NUDT6: variants seen among roughly 807,000 people sequenced by gnomAD.
NUDT6 encodes the protein FAD diphosphatase NUDT6.
NUDT6 carries 24 observed loss-of-function variants against 36.8 expected under a neutral mutation model. The observed-to-expected ratio is 0.65, with a 90% CI of 0.47 to 0.92. The LOEUF is 0.92. NUDT6 is among the 40% of genes least tolerant of loss of function. NUDT6 has a pLI of 0.00. For synonymous variants in NUDT6, 163 were observed against 157.0 expected (o/e 1.04, Z -0.29); for missense variants, 388 against 392.8 (o/e 0.99, Z 0.10).
At chr4:122,897,836 G>A (rs772259180) in intron 3 of NUDT6, 158 bp from the exon 4 acceptor site, 63 of 598,350 alleles carry the variant, frequency 1.1e-4, no homozygotes, top group Non-Finnish European at 1.7e-4. Context: ...TTTCTCCCTC[G>A]TTTCTTCTTT....
intron 1 of NUDT6, 91 bp from the exon 2 acceptor site, chr4:122,917,795 AC>A (rs1226858361): frequency 6.7e-6 from 8 of 1,200,116 alleles, no homozygotes; most frequent in Admixed American, 2.3e-5. Context: ...CCTCCAGGAA[AC>A]CATCTTTAAG....
intron 2 of NUDT6, among the ~76,000 whole-genome samples, 178 bp downstream of exon 2, chr4:122,917,323 T>C (rs1373601377): frequency 6.6e-6 from 1 of 152,194 alleles, no homozygotes; most frequent in Non-Finnish European, 1.5e-5. Flanking sequence ...CTATCTGCGG[T>C]TACAGGTGCC....
At chr4:122,913,153 A>G (rs1727764320) in intron 2 of NUDT6, 1 of 153,104 alleles carries the variant, frequency 6.5e-6, no homozygotes, top group Non-Finnish European at 1.5e-5. Context: ...TTGGGCTGCT[A>G]TAACAAAATA....
intron 3 of NUDT6, among the ~76,000 whole-genome samples, chr4:122,904,542 T>C (rs886170120): frequency 1.3e-5 from 2 of 152,104 alleles, no homozygotes; most frequent in African/African-American, 4.8e-5. Context: ...CACTGCAACC[T>C]GTCTCCCAGG....
intron 2 of NUDT6, among the ~76,000 whole-genome samples, chr4:122,916,333 C>A (rs543092676): frequency 2.6e-5 from 4 of 152,146 alleles, no homozygotes; most frequent in Admixed American, 2.0e-4. Flanking sequence ...AGCTAATCAG[C>A]CACTTCAAAA....
At chr4:122,919,987 C>G (rs564238308) in intron 1 of NUDT6, 1 of 152,302 alleles carries the variant, frequency 6.6e-6, no homozygotes, top group South Asian at 2.1e-4. Context: ...AGTGCTATTT[C>G]ATTACTGATG....
At chr4:122,911,712 T>C (rs1361498601) in intron 3 of NUDT6, among the ~76,000 whole-genome samples, 1 of 152,220 alleles carries the variant, frequency 6.6e-6, no homozygotes, top group East Asian at 1.9e-4. Context: ...TGTCCACTAA[T>C]ATTTGCTGAA....
chr4:122,900,177 C>G (rs562364075), intron 3 of NUDT6, among the ~76,000 whole-genome samples: 7 of 151,672 alleles, frequency 4.6e-5, no homozygotes, highest in Non-Finnish European at 1.0e-4. Context: ...TTTCAGGCAC[C>G]AGGTAAGAGA....
chr4:122,893,509 T>G (rs1190239570), intron 4 of NUDT6: 1 of 281,776 alleles, frequency 3.5e-6, no homozygotes. Context: ...TTTAACTTCT[T>G]GCTGCTCTTT....
intron 2 of NUDT6, among the ~76,000 whole-genome samples, chr4:122,915,482 A>AAC (rs1727815105): frequency 9.6e-6 from 1 of 104,000 alleles, no homozygotes; most frequent in African/African-American, 2.8e-5. Flanking sequence ...AAAAAAAAAA[A>AAC]AAAAAAAAAA....
intron 1 of NUDT6, 55 bp downstream of exon 1, chr4:122,922,280 A>G (rs1249071692): frequency 1.4e-6 from 2 of 1,479,092 alleles, no homozygotes; most frequent in Non-Finnish European, 1.8e-6. Context: ...GGCCGCGGTT[A>G]TTTCATTAGA....
intron 2 of NUDT6, among the ~76,000 whole-genome samples, chr4:122,913,682 C>T (rs1187553961): frequency 6.6e-6 from 1 of 152,042 alleles, no homozygotes; most frequent in Non-Finnish European, 1.5e-5. Context: ...TAATATACTG[C>T]TTTGGAAGAG....
chr4:122,892,720 A>T lies in NUDT6; in HGVS notation c.*108T>A, dbSNP rs2150793971. The T allele has an allele frequency of 2.2e-6, 3 of 1,342,796 alleles. No homozygotes were observed. The highest frequency in any genetic ancestry group is 2.0e-6 in the Non-Finnish European group (2 of 1,005,418). The allele number at this position is 1,342,796 out of a possible 1,614,324, so 83.2% of individuals were successfully genotyped here. The stretch of plus-strand genomic sequence containing the variant: ...TTTAGAAACAAAATTTCTTCATGGA[A>T]ATCATATACATTAGAAAATCACAGT... On this transcript the variant is annotated 3_prime_UTR_variant, in exon 5 of 5. Transcript: ENST00000304430.
intron 3 of NUDT6, among the ~76,000 whole-genome samples, chr4:122,901,882 T>TA (rs1374037335): frequency 6.6e-6 from 1 of 152,144 alleles, no homozygotes; most frequent in Non-Finnish European, 1.5e-5. Context: ...ACACAACCCT[T>TA]AAAAGACTAC....
chr4:122,897,405 G>T, intron 4 of NUDT6: 1 of 548,622 alleles, frequency 1.8e-6, no homozygotes, highest in Non-Finnish European at 3.3e-6. Context: ...AGAATAGGTG[G>T]TATGTTCCTA....
chr4:122,922,694 T>C, upstream of NUDT6: 2 of 841,838 alleles, frequency 2.4e-6, no homozygotes, highest in African/African-American at 1.7e-5. Flanking sequence ...GGGTTACCAC[T>C]CTGCAGAGCT....
rs1421360156 is a variant in NUDT6, at chr4:122,915,485, A to AC, written c.442+2015_442+2016insG. Among the ~76,000 whole-genome samples the AC allele has an allele frequency of 7.2e-3, 666 of 91,966 alleles. 13 individuals are homozygous for AC. Among genetic ancestry groups the AC allele is most frequent in the Non-Finnish European group, 0.014 (453 of 33,340 alleles). The allele number at this position is 91,966 out of a possible 152,430, so 60.3% of individuals were successfully genotyped here. Reference sequence around the variant, plus strand: ...ACCCTGCCTCAAAAAAAAAAAAAAAAAAAAAAAAAAAAACAACTCTGCACC... The same window carrying AC: ...ACCCTGCCTCAAAAAAAAAAAAAAAACAAAAAAAAAAAAACAACTCTGCACC... On this transcript the variant is annotated intron_variant, in intron 2 of 4. Coordinates refer to ENST00000304430, the MANE Select transcript of NUDT6 (RefSeq NM_007083.5).
At chr4:122,893,979 T>C (rs1727271638) in intron 4 of NUDT6, 1 of 152,240 alleles carries the variant, frequency 6.6e-6, no homozygotes. Flanking sequence ...CTATTTTTCT[T>C]GTTTGTCAAA....
At chr4:122,918,924 A>G (rs1033003607) in intron 1 of NUDT6, 1 of 152,234 alleles carries the variant, frequency 6.6e-6, no homozygotes, top group Non-Finnish European at 1.5e-5. Flanking sequence ...ACACTTTAAC[A>G]TTATAGAACA....
Sources: gnomAD v4.1 joint callset for allele counts (sites outside exome capture counted in the v4.1 genomes callset) on GRCh38, gnomAD v4.1.1 for gene constraint, MANE v1.5 for transcripts, NCBI Gene and HGNC (gene_info 2026-07-23, HGNC 2026-07-21) for gene names.